Variants in SKAP2 observed in about 807,000 individuals in gnomAD.
SKAP2 encodes src kinase-associated phosphoprotein 2.
SKAP2 carries 28 observed loss-of-function variants against 54.9 expected under a neutral mutation model. That is an observed-to-expected ratio of 0.51 (90% CI 0.38 to 0.70). The LOEUF (loss-of-function observed/expected upper bound fraction) is 0.70, where lower values mean the gene tolerates loss of function less well. Ranked by LOEUF, SKAP2 falls within the 30% of genes least tolerant of loss-of-function variation. The probability of loss-of-function intolerance (pLI) is 0.00; values close to 1 mark genes in which losing one functional copy is unlikely to be tolerated. For missense variants in SKAP2, 356 were observed against 424.1 expected (o/e 0.84, Z 1.41); for synonymous variants, 137 against 134.3 (o/e 1.02, Z -0.14).
intron 4 of SKAP2, among the ~76,000 whole-genome samples, chr7:26,762,705 A>T (rs1008119293): frequency 1.3e-5 from 2 of 152,164 alleles, no homozygotes; most frequent in African/African-American, 4.8e-5. Context: ...GATGCCCATA[A>T]ACAGCTTATG....
chr7:26,765,056 C>G (rs1584376655), intron 4 of SKAP2, among the ~76,000 whole-genome samples: 1 of 152,328 alleles, frequency 6.6e-6, no homozygotes, highest in Non-Finnish European at 1.5e-5. Context: ...AATCACCACA[C>G]TGTCTTCCAC....
chr7:26,795,933 A>AT (rs372984779), intron 4 of SKAP2, among the ~76,000 whole-genome samples: 178 of 152,262 alleles, frequency 1.2e-3, no homozygotes, highest in Admixed American at 3.5e-3. Context: ...TTATCCATGG[A>AT]TTTTTTCAAC....
intron 4 of SKAP2, among the ~76,000 whole-genome samples, chr7:26,762,608 C>T (rs1371736868): frequency 6.6e-6 from 1 of 151,648 alleles, no homozygotes; most frequent in Non-Finnish European, 1.5e-5. Context: ...GAGGCTGAGG[C>T]GGGCAGATCA....
intron 11 of SKAP2, among the ~76,000 whole-genome samples, chr7:26,675,097 C>T (rs1392665253): frequency 6.6e-6 from 1 of 152,112 alleles, no homozygotes; most frequent in Non-Finnish European, 1.5e-5. Flanking sequence ...ATCACCTTGC[C>T]CTGGATTACT....
chr7:26,682,421 A>C (rs1786523522), intron 11 of SKAP2, among the ~76,000 whole-genome samples: 1 of 152,220 alleles, frequency 6.6e-6, no homozygotes, highest in Non-Finnish European at 1.5e-5. Flanking sequence ...AAGGAAAGCT[A>C]AATGTCTTCT....
intron 9 of SKAP2, among the ~76,000 whole-genome samples, chr7:26,713,198 T>C (rs929371085): frequency 6.6e-6 from 1 of 152,340 alleles, no homozygotes; most frequent in Admixed American, 6.5e-5. Context: ...AGTGCTTCGT[T>C]TGGCTTTTTG....
chr7:26,765,963 G>A (rs1783042421), intron 4 of SKAP2, among the ~76,000 whole-genome samples: 1 of 151,992 alleles, frequency 6.6e-6, no homozygotes, highest in Non-Finnish European at 1.5e-5. Context: ...GCCCTTTTTT[G>A]GTTCCATATG....
At chr7:26,740,401 A>G (rs1782414003) in intron 4 of SKAP2, among the ~76,000 whole-genome samples, 1 of 152,154 alleles carries the variant, frequency 6.6e-6, no homozygotes, top group South Asian at 2.1e-4. Context: ...TTCCGAATCA[A>G]ATGCTGAAAC....
At chr7:26,837,064 T>C (rs886753217) in intron 4 of SKAP2, among the ~76,000 whole-genome samples, 1 of 152,090 alleles carries the variant, frequency 6.6e-6, no homozygotes, top group African/African-American at 2.4e-5. Flanking sequence ...AAACCATCAT[T>C]CTCAGCAAAC....
In SKAP2 at chr7:26,712,455, T is replaced by C. The variant is rs148003719; in HGVS notation, c.796+12973A>G. The stretch of plus-strand genomic sequence containing the variant: ...GTCTTTTTTATATGTGTGCAGTAAA[T>C]GCTTATCTGATAACTAAGGACAAGG... On this transcript the variant is annotated intron_variant, in intron 9 of 12. Coordinates refer to ENST00000345317, the MANE Select transcript of SKAP2 (RefSeq NM_003930.5). Among the ~76,000 whole-genome samples the C allele has an allele frequency of 2.6e-5, 4 of 152,322 alleles. No individual in the cohort carries two copies. The East Asian group carries it at 7.7e-4, about 29-fold the overall frequency.
At chr7:26,785,275 C>A (rs1562609423) in intron 4 of SKAP2, among the ~76,000 whole-genome samples, 1 of 152,070 alleles carries the variant, frequency 6.6e-6, no homozygotes, top group Non-Finnish European at 1.5e-5. Context: ...CAAGCTCCAC[C>A]TCCTGGGTTC....
intron 4 of SKAP2, among the ~76,000 whole-genome samples, chr7:26,743,677 T>G (rs1456764018): frequency 2.0e-5 from 3 of 152,180 alleles, no homozygotes; most frequent in Non-Finnish European, 4.4e-5. Context: ...TCTTATATGA[T>G]AAACCTACTT....
rs771252306 is a variant in SKAP2 at position 26,739,958 on chromosome 7, T to C, written c.314A>G (p.Gln105Arg). The change falls in exon 5 of 13, where the codon CAG becomes CGG. Residue 105 changes from glutamine (Q) to arginine (R), a missense_variant. Gln to Arg is a conservative substitution (Grantham distance 43, BLOSUM62 1). Transcript: ENST00000345317. ...GTCTTGTGCTGCAATTGGAGGAAACTGGGCTCCTATGAGAAGTTGGGGAGA... is the reference window on the plus strand; with the variant it reads ...GTCTTGTGCTGCAATTGGAGGAAACCGGGCTCCTATGAGAAGTTGGGGAGA... The part of the protein sequence containing the change: ...KDDEAPSDGA[Q>R]FPPIAAQDLP... 2 of 1,607,202 alleles carry C rather than the reference T, an allele frequency of 1.2e-6. No homozygotes were observed. Among genetic ancestry groups the C allele is most frequent in the South Asian group, 2.2e-5 (2 of 90,180 alleles).
chr7:26,835,166 C>A (rs1203579544), intron 4 of SKAP2, among the ~76,000 whole-genome samples: 1 of 152,140 alleles, frequency 6.6e-6, no homozygotes, highest in Non-Finnish European at 1.5e-5. Flanking sequence ...AAAAAACTCT[C>A]AATAAAGTAG....
rs563918234 is a variant in SKAP2, at chr7:26,714,830, T to C, written c.796+10598A>G. On this transcript the variant is annotated intron_variant, in intron 9 of 12. Transcript: ENST00000345317. ...TGAAGCTACTACAAACTTTATCATATTCTATCTTCTGAAAGAATGGATGAA... is the reference window on the plus strand; with the variant it reads ...TGAAGCTACTACAAACTTTATCATACTCTATCTTCTGAAAGAATGGATGAA... Among the ~76,000 whole-genome samples the C allele has an allele frequency of 2.6e-5, 4 of 152,346 alleles. No homozygotes were observed. In the South Asian group the frequency reaches 6.2e-4, roughly 24 times the overall value.
chr7:26,706,655 T>A (rs1470225278), intron 9 of SKAP2, among the ~76,000 whole-genome samples: 3 of 152,210 alleles, frequency 2.0e-5, no homozygotes, highest in African/African-American at 7.2e-5. Flanking sequence ...TGTCACATAA[T>A]GTTTATGTCA....
chr7:26,680,869 A>C (rs776786109), intron 11 of SKAP2, among the ~76,000 whole-genome samples: 1 of 152,168 alleles, frequency 6.6e-6, no homozygotes, highest in Non-Finnish European at 1.5e-5. Flanking sequence ...GGAAGGAGGA[A>C]GGGCACAGTA....
At chr7:26,725,793 T>C in intron 8 of SKAP2, 130 bp downstream of exon 8, 1 of 843,102 alleles carries the variant, frequency 1.2e-6, no homozygotes, top group South Asian at 1.5e-5. Flanking sequence ...GAGTGGTCTG[T>C]ATTAATAACA....
At chr7:26,839,272 T>C (rs1020288187) in intron 4 of SKAP2, among the ~76,000 whole-genome samples, 4 of 152,260 alleles carry the variant, frequency 2.6e-5, no homozygotes, top group African/African-American at 9.6e-5. Flanking sequence ...GGATTAAAAA[T>C]ATGTCCTCTA....
Sources: gnomAD v4.1 joint callset for allele counts (sites outside exome capture counted in the v4.1 genomes callset) on GRCh38, gnomAD v4.1.1 for gene constraint, MANE v1.5 for transcripts, NCBI Gene and HGNC (gene_info 2026-07-23, HGNC 2026-07-21) for gene names.